The following ERAP1 variants were observed in gnomAD, a reference collection of about 807,000 sequenced individuals.
The protein encoded by ERAP1 is endoplasmic reticulum aminopeptidase 1.
Under a neutral mutation model 103.7 loss-of-function variants are expected in ERAP1, and 86 were observed. The observed-to-expected ratio is 0.83, with a 90% CI of 0.70 to 0.99. The LOEUF (loss-of-function observed/expected upper bound fraction) is 0.99, where lower values mean the gene tolerates loss of function less well. Ranked by LOEUF, ERAP1 falls within the 50% of genes least tolerant of loss-of-function variation. The pLI, the probability that ERAP1 is intolerant of heterozygous loss-of-function variation, is 0.00. For missense variants in ERAP1, 1,009 were observed against 1,128.4 expected, an observed-to-expected ratio of 0.89 and a Z score of 1.52; for synonymous variants, 398 against 402.4, an observed-to-expected ratio of 0.99 and a Z score of 0.13.
downstream of ERAP1, chr5:96,772,875 A>C (rs143384029): frequency 1.5e-3 from 227 of 153,564 alleles, no homozygotes; most frequent in Non-Finnish European, 2.2e-3. Flanking sequence ...TTGGGAGAGA[A>C]AGCTTTATAT....
intron 13 of ERAP1, 125 bp downstream of exon 13, chr5:96,785,663 A>C: frequency 2.0e-6 from 2 of 982,496 alleles, no homozygotes; most frequent in Admixed American, 4.6e-5. Context: ...TGTTAGAAGA[A>C]CTTAAAGGAA....
At chr5:96,808,261 T>TGTGTGTGTGTGTGTGTGTGTGTGTGTG (rs1387638650), upstream of ERAP1, 2 of 837,656 alleles carry the variant, frequency 2.4e-6, no homozygotes, top group African/African-American at 2.2e-5. Context: ...TGTGTGTGTG[T>TGTGTGTGTGTGTGTGTGTGTGTGTGTG]TGAGATGCTT....
At chr5:96,806,021 G>A (rs943527946) in intron 1 of ERAP1, 1 of 152,294 alleles carries the variant, frequency 6.6e-6, no homozygotes, top group Non-Finnish European at 1.5e-5. Flanking sequence ...GTCTCAACGA[G>A]GATGCAGTGC....
At chr5:96,867,938 G>T in the ERAP1 span, among the ~76,000 whole-genome samples, 1 of 152,088 alleles carries the variant, frequency 6.6e-6, no homozygotes, top group Non-Finnish European at 1.5e-5. Context: ...GCCAGGTTTG[G>T]TGGCGAGTGC....
At chr5:96,839,830 A>G in the ERAP1 span, among the ~76,000 whole-genome samples, 2 of 152,090 alleles carry the variant, frequency 1.3e-5, no homozygotes, top group Non-Finnish European at 2.9e-5. Flanking sequence ...TCCCAAAAAT[A>G]CTCAGATCTC....
chr5:96,853,409 G>A, the ERAP1 span, among the ~76,000 whole-genome samples: 1 of 152,116 alleles, frequency 6.6e-6, no homozygotes, highest in Non-Finnish European at 1.5e-5. Flanking sequence ...AGGACAGAGA[G>A]GCCAAACCTG....
downstream of ERAP1, among the ~76,000 whole-genome samples, chr5:96,771,154 A>G (rs111981161): frequency 1.1e-4 from 16 of 152,200 alleles, no homozygotes; most frequent in African/African-American, 3.6e-4. Context: ...GGGATATAGG[A>G]AACAGCATTG....
intron 3 of ERAP1, among the ~76,000 whole-genome samples, chr5:96,798,809 A>C (rs1777647114): frequency 6.6e-6 from 1 of 151,436 alleles, no homozygotes; most frequent in African/African-American, 2.4e-5. Flanking sequence ...CTCATAAAGG[A>C]TCCCAAATCA....
chr5:96,767,325 T>C, intron 19 of ERAP1: 1 of 779,002 alleles, frequency 1.3e-6, no homozygotes, highest in Admixed American at 2.4e-5. Context: ...ATTGCAAGTC[T>C]ACACTCCATT....
At chr5:96,848,035 G>GT in the ERAP1 span, among the ~76,000 whole-genome samples, 106 of 152,036 alleles carry the variant, frequency 7.0e-4, no homozygotes, top group Admixed American at 2.6e-3. Flanking sequence ...CCAAGAGCTT[G>GT]TTTTTTTGTT....
the ERAP1 span, among the ~76,000 whole-genome samples, chr5:96,898,572 C>CAAAAAAAAA: frequency 1.9e-4 from 18 of 94,410 alleles, no homozygotes; most frequent in Non-Finnish European, 2.7e-4. Flanking sequence ...TACTAAAATA[C>CAAAAAAAAA]AAAAAAAAAA....
chr5:96,900,311 C>T, the ERAP1 span: 21 of 1,395,776 alleles, frequency 1.5e-5, no homozygotes, highest in South Asian at 5.2e-5. Flanking sequence ...AGAGCCCCCA[C>T]GATTTTCTCT....
chr5:96,818,070 T>A, the ERAP1 span, among the ~76,000 whole-genome samples: 2 of 152,216 alleles, frequency 1.3e-5, no homozygotes, highest in Non-Finnish European at 2.9e-5. Context: ...TCAAGTAATA[T>A]TGATTGTAAT....
At chr5:96,769,656 T>G (rs1771509869), downstream of ERAP1, 1 of 151,990 alleles carries the variant, frequency 6.6e-6, no homozygotes, top group Non-Finnish European at 1.5e-5. Context: ...ACCTTAGTCC[T>G]CATGTTATAC....
chr5:96,794,156 A>T (rs138608064), intron 5 of ERAP1, among the ~76,000 whole-genome samples, 199 bp from the exon 6 acceptor site: 55 of 137,872 alleles, frequency 4.0e-4, no homozygotes, highest in African/African-American at 1.4e-3. Flanking sequence ...GCAAAGTCAG[A>T]CTTGCATCTC....
At position 96,798,871 on chromosome 5, in the gene ERAP1, C is replaced by CT. The variant is rs10646647; in HGVS notation, c.664-1563dup. On this transcript the variant is annotated intron_variant, in intron 3 of 18. Transcript: ENST00000443439. ...TCTGCCTACCTACAACAAAAATTTCCTTTTTTTTTTTTTTGAGATGGAGTC... is the reference window on the plus strand; with the variant it reads ...TCTGCCTACCTACAACAAAAATTTCCTTTTTTTTTTTTTTTGAGATGGAGTC... 3.4e-3 allele frequency among the ~76,000 whole-genome samples: 427 copies of CT among 124,862 alleles called. 15 individuals carry two copies. The highest frequency in any genetic ancestry group is 3.0e-3 in the Non-Finnish European group (183 of 61,314). 81.9% of individuals were successfully genotyped at this position (124,862 alleles called of 152,430 possible).
At chr5:96,767,899 T>C (rs1394670775) in intron 19 of ERAP1, 1 of 1,597,286 alleles carries the variant, frequency 6.3e-7, no homozygotes, top group Non-Finnish European at 8.6e-7. Flanking sequence ...TTTCTACTCA[T>C]ATCTCAGAAA....
intron 19 of ERAP1, among the ~76,000 whole-genome samples, chr5:96,764,415 A>T (rs1225405286): frequency 1.3e-5 from 2 of 152,182 alleles, no homozygotes; most frequent in Admixed American, 1.3e-4. Flanking sequence ...TTACAGTGAT[A>T]TTGTTGTCCA....
chr5:96,913,372 C>G, the ERAP1 span: 42 of 1,613,912 alleles, frequency 2.6e-5, no homozygotes, highest in Non-Finnish European at 1.8e-5. Flanking sequence ...CTTGGCAGCT[C>G]TCCTTCATGC....
Sources: gnomAD v4.1 joint callset for allele counts (sites outside exome capture counted in the v4.1 genomes callset) on GRCh38, gnomAD v4.1.1 for gene constraint, MANE v1.5 for transcripts, NCBI Gene and HGNC (gene_info 2026-07-23, HGNC 2026-07-21) for gene names.